Variants in NEDD9 observed in about 807,000 individuals in gnomAD.
The protein encoded by NEDD9 is neural precursor cell expressed, developmentally down-regulated 9.
In NEDD9, 26 loss-of-function variants were observed where a neutral mutation model predicts 76.6. That is an observed-to-expected ratio of 0.34 (90% CI 0.25 to 0.47). NEDD9 has a LOEUF of 0.47. Among genes scored for constraint, NEDD9 ranks in the 20% least tolerant of loss-of-function variants. The pLI is 1.00. For missense variants in NEDD9, 937 were observed against 1,058.5 expected, an observed-to-expected ratio of 0.89 and a Z score of 1.59; for synonymous variants, 392 against 414.2, an observed-to-expected ratio of 0.95 and a Z score of 0.65.
chr6:11,201,286 G>A (rs1035531409), intron 2 of NEDD9, among the ~76,000 whole-genome samples: 8 of 152,196 alleles, frequency 5.3e-5, no homozygotes, highest in Admixed American at 2.0e-4. Context: ...GAAGCGGGAA[G>A]GGAGCAGACG....
chr6:11,355,565 G>A (rs192513696), intron 1 of NEDD9, among the ~76,000 whole-genome samples: 1 of 152,236 alleles, frequency 6.6e-6, no homozygotes, highest in East Asian at 1.9e-4. Flanking sequence ...TTAGTCTTGG[G>A]CAGACCTGAA....
At chr6:11,309,232 G>A (rs1409460140) in intron 2 of NEDD9, among the ~76,000 whole-genome samples, 2 of 152,210 alleles carry the variant, frequency 1.3e-5, no homozygotes, top group African/African-American at 2.4e-5. Context: ...ATTGCCTGTA[G>A]CTGTAGTTTG....
intron 1 of NEDD9, among the ~76,000 whole-genome samples, chr6:11,355,862 A>ATG (rs1168892070): frequency 4.7e-4 from 72 of 151,984 alleles, no homozygotes; most frequent in Non-Finnish European, 8.7e-4. Context: ...CTGGGACTAC[A>ATG]GGCACCCGCC....
chr6:11,243,353 G>A (rs1248414859), intron 3 of NEDD9, among the ~76,000 whole-genome samples: 2 of 151,720 alleles, frequency 1.3e-5, no homozygotes, highest in Non-Finnish European at 2.9e-5. Flanking sequence ...TGATGATCAT[G>A]ATGATAATTG....
chr6:11,232,631 G>C lies in NEDD9; in HGVS notation c.-116C>G. The C allele has an allele frequency of 6.3e-7, 1 of 1,585,322 alleles. No individual in the cohort carries two copies. Among genetic ancestry groups the C allele is most frequent in the Non-Finnish European group, 8.6e-7 (1 of 1,167,250 alleles). On this transcript the variant is annotated 5_prime_UTR_variant, in exon 1 of 7. Transcript: ENST00000379446. Reference sequence around the variant, plus strand: ...GATGAAAGCGAGAAGGTCCCGGGCAGAGCCGCTTGTCAGTCGCAGCGCCTC... The same window carrying C: ...GATGAAAGCGAGAAGGTCCCGGGCACAGCCGCTTGTCAGTCGCAGCGCCTC...
intron 3 of NEDD9, among the ~76,000 whole-genome samples, chr6:11,303,960 G>A (rs1438775450): frequency 6.6e-6 from 1 of 152,142 alleles, no homozygotes; most frequent in African/African-American, 2.4e-5. Context: ...AGACAAATGG[G>A]ATCTAATTAA....
intron 4 of NEDD9, 37 bp from the exon 5 acceptor site, chr6:11,191,242 A>T (rs1409513433): frequency 6.5e-7 from 1 of 1,534,160 alleles, no homozygotes; most frequent in African/African-American, 1.4e-5. Context: ...CTATTTATTG[A>T]GTTGGCTCAT....
intron 1 of NEDD9, among the ~76,000 whole-genome samples, chr6:11,215,527 C>T (rs1255308710): frequency 6.6e-6 from 1 of 152,120 alleles, no homozygotes; most frequent in African/African-American, 2.4e-5. Flanking sequence ...TTCTCTTCTC[C>T]CATCTTTTGG....
chr6:11,232,793 G>T, upstream of NEDD9: 1 of 1,106,720 alleles, frequency 9.0e-7, no homozygotes, highest in Non-Finnish European at 1.2e-6. Flanking sequence ...AACTGACAAA[G>T]AACTTGTAAT....
At chr6:11,188,388 A>C in intron 5 of NEDD9, 81 bp from the exon 6 acceptor site, 1 of 1,181,850 alleles carries the variant, frequency 8.5e-7, no homozygotes. Context: ...CGGATGAGTA[A>C]ATACTCTTTA....
At chr6:11,278,250 T>C (rs1246165856) in intron 3 of NEDD9, among the ~76,000 whole-genome samples, 2 of 152,224 alleles carry the variant, frequency 1.3e-5, no homozygotes, top group Non-Finnish European at 2.9e-5. Flanking sequence ...CTTGTTCATC[T>C]GAAGCGAATT....
intron 2 of NEDD9, among the ~76,000 whole-genome samples, chr6:11,313,738 C>T (rs1449023948): frequency 6.6e-6 from 1 of 152,190 alleles, no homozygotes; most frequent in African/African-American, 2.4e-5. Context: ...TCAGTTTCCT[C>T]ATTTGCGACG....
chr6:11,377,726 T>C (rs1173610506), intron 1 of NEDD9, among the ~76,000 whole-genome samples: 1 of 152,190 alleles, frequency 6.6e-6, no homozygotes, highest in Non-Finnish European at 1.5e-5. Context: ...AGAAGATGAT[T>C]GTATTTTGCA....
chr6:11,270,372 T>C (rs1049209448), intron 3 of NEDD9, among the ~76,000 whole-genome samples: 7 of 151,918 alleles, frequency 4.6e-5, no homozygotes, highest in African/African-American at 1.7e-4. Flanking sequence ...TCAACCTTTT[T>C]TTTTTTTTTT....
intron 1 of NEDD9, among the ~76,000 whole-genome samples, chr6:11,360,595 C>G (rs1762662536): frequency 6.6e-6 from 1 of 152,168 alleles, no homozygotes; most frequent in Admixed American, 6.5e-5. Context: ...CCTGCTCTCT[C>G]TCTTCCTCCT....
At position 11,188,255 on chromosome 6, in the gene NEDD9, A is replaced by T. The variant is rs934568043; in HGVS notation, c.1958T>A (p.Ile653Asn). Residue 653 changes from isoleucine (I) to asparagine (N), a missense_variant, in exon 6 of 7, where the codon ATC becomes AAC. Transcript: ENST00000379446. ...CAGCTGCATCTTGTTCTGTTTCATG[A>T]TATTCTCTTTTTCCAATAGCTCTTT... is the stretch of plus-strand genomic sequence containing the variant. Reference protein sequence around the residue: ...QQKELLEKENIMKQNKMQLEH... With the variant: ...QQKELLEKENNMKQNKMQLEH... The T allele has an allele frequency of 6.2e-7, 1 of 1,614,050 alleles. No individual in the cohort carries two copies. The highest frequency in any genetic ancestry group is 8.5e-7 in the Non-Finnish European group (1 of 1,179,994).
rs1319547004 is a variant in NEDD9 at position 11,191,022 on chromosome 6, T to C, written c.847A>G (p.Ile283Val). ...GCCACCGGTTCTGCAGCTCCTGGAATGTCACAGTTGTATTTTACATGAAGG... is the reference window on the plus strand; with the variant it reads ...GCCACCGGTTCTGCAGCTCCTGGAACGTCACAGTTGTATTTTACATGAAGG... ...KDLHVKYNCD[I>V]PGAAEPVARR... Residue 283 changes from isoleucine (I) to valine (V), a missense_variant, in exon 5 of 7, where the codon ATT (isoleucine) becomes GTT (valine). Physicochemically the swap from Ile to Val is conservative, Grantham distance 29 (BLOSUM62 3). Transcript: ENST00000379446. 1 of 1,613,972 alleles carries C rather than the reference T, an allele frequency of 6.2e-7. No homozygotes were observed. Among genetic ancestry groups the C allele is most frequent in the Non-Finnish European group, 8.5e-7 (1 of 1,180,010 alleles).
chr6:11,367,933 A>T (rs1762797813), intron 1 of NEDD9, among the ~76,000 whole-genome samples: 1 of 152,218 alleles, frequency 6.6e-6, no homozygotes, highest in African/African-American at 2.4e-5. Flanking sequence ...TCGGGATTGT[A>T]TGAGACTGGA....
chr6:11,209,975 T>TTTTTTTTTTTG (rs1167935311), intron 2 of NEDD9, among the ~76,000 whole-genome samples: 1 of 150,340 alleles, frequency 6.7e-6, no homozygotes, highest in East Asian at 2.0e-4. Context: ...ACTGTCTTTT[T>TTTTTTTTTTTG]TTTTTCCTTA....
Sources: gnomAD v4.1 joint callset for allele counts (sites outside exome capture counted in the v4.1 genomes callset) on GRCh38, gnomAD v4.1.1 for gene constraint, MANE v1.5 for transcripts, NCBI Gene and HGNC (gene_info 2026-07-23, HGNC 2026-07-21) for gene names.